Variants in NALCN observed in about 807,000 individuals in gnomAD.
NALCN encodes the protein sodium leak channel NALCN.
A neutral mutation model predicts 225.3 loss-of-function variants in NALCN; 111 were observed. The ratio of observed to expected loss-of-function variants is 0.49; its 90% CI spans 0.42 to 0.58. The LOEUF (loss-of-function observed/expected upper bound fraction) is 0.58, where lower values mean the gene tolerates loss of function less well. NALCN is among the 20% of genes least tolerant of loss of function. The probability of loss-of-function intolerance (pLI) is 0.00; values close to 1 mark genes in which losing one functional copy is unlikely to be tolerated. For synonymous variants in NALCN, 764 were observed against 769.0 expected (o/e 0.99, Z 0.11); for missense variants, 1,378 against 2,202.4 (o/e 0.63, Z 7.49).
chr13:101,060,081 C>T, intron 41 of NALCN, 114 bp from the exon 42 acceptor site: 1 of 1,175,768 alleles, frequency 8.5e-7, no homozygotes, highest in Non-Finnish European at 1.2e-6. Context: ...GACGGGTGAC[C>T]TCTTAGGAAT....
At chr13:101,287,720 C>G (rs939814574) in intron 9 of NALCN, among the ~76,000 whole-genome samples, 1 of 152,162 alleles carries the variant, frequency 6.6e-6, no homozygotes, top group African/African-American at 2.4e-5. Flanking sequence ...ATGGAGATTT[C>G]AACTTTGAGA....
chr13:101,400,564 T>G (rs1594786478), intron 1 of NALCN, among the ~76,000 whole-genome samples: 1 of 130,322 alleles, frequency 7.7e-6, no homozygotes, highest in African/African-American at 3.2e-5. Flanking sequence ...TGTGTGTGTG[T>G]GTGTGTGTGT....
chr13:101,098,360 T>A (rs1443433069), intron 27 of NALCN, among the ~76,000 whole-genome samples: 1 of 152,186 alleles, frequency 6.6e-6, no homozygotes, highest in African/African-American at 2.4e-5. Context: ...AAGGACCTCC[T>A]AATGTTTCCC....
chr13:101,395,872 T>C (rs570745979), intron 2 of NALCN, among the ~76,000 whole-genome samples: 21 of 152,206 alleles, frequency 1.4e-4, no homozygotes, highest in Non-Finnish European at 2.8e-4. Flanking sequence ...CCTATCATAG[T>C]AGTTAAGAAA....
chr13:101,148,303 T>C (rs894491721), intron 15 of NALCN, among the ~76,000 whole-genome samples: 3 of 152,308 alleles, frequency 2.0e-5, no homozygotes, highest in Admixed American at 2.0e-4. Context: ...TTCTCAGCCA[T>C]GCTCGGAGTT....
intron 10 of NALCN, among the ~76,000 whole-genome samples, chr13:101,264,437 A>T (rs1389261751): frequency 6.6e-6 from 1 of 152,058 alleles, no homozygotes; most frequent in Non-Finnish European, 1.5e-5. Context: ...AGTCTATACT[A>T]GATTAATCCC....
chr13:101,264,392 G>T (rs2042530211), intron 10 of NALCN, among the ~76,000 whole-genome samples: 1 of 151,940 alleles, frequency 6.6e-6, no homozygotes, highest in Non-Finnish European at 1.5e-5. Context: ...TTACTTATCT[G>T]TGTATATGAC....
intron 18 of NALCN, among the ~76,000 whole-genome samples, chr13:101,115,207 G>A (rs567853119): frequency 6.6e-6 from 1 of 152,116 alleles, no homozygotes; most frequent in East Asian, 1.9e-4. Context: ...GTTAGAATAT[G>A]ATGCCACTCA....
At chr13:101,367,957 C>T (rs975061649) in intron 6 of NALCN, among the ~76,000 whole-genome samples, 1 of 150,840 alleles carries the variant, frequency 6.6e-6, no homozygotes, top group Non-Finnish European at 1.5e-5. Flanking sequence ...TGTTCTTACA[C>T]AGGGAATTCT....
chr13:101,351,209 CTGT>C (rs1255832841), intron 6 of NALCN, among the ~76,000 whole-genome samples: 1 of 151,952 alleles, frequency 6.6e-6, no homozygotes, highest in South Asian at 2.1e-4. Flanking sequence ...TAAGTGGATC[CTGT>C]TGTTTTATGC....
intron 11 of NALCN, among the ~76,000 whole-genome samples, chr13:101,257,661 A>G (rs2042284741): frequency 6.6e-6 from 1 of 152,174 alleles, no homozygotes; most frequent in Admixed American, 6.5e-5. Flanking sequence ...CTGTGTATGT[A>G]TACCTCACTC....
intron 7 of NALCN, among the ~76,000 whole-genome samples, chr13:101,303,925 C>T (rs1465782160): frequency 1.6e-4 from 25 of 152,164 alleles, no homozygotes; most frequent in Admixed American, 1.6e-3. Flanking sequence ...TCCCTGGAAA[C>T]ACTAGCTAAA....
At chr13:101,186,481 C>A (rs1180052761) in intron 14 of NALCN, among the ~76,000 whole-genome samples, 2 of 151,946 alleles carry the variant, frequency 1.3e-5, no homozygotes, top group African/African-American at 2.4e-5. Context: ...TCTAAGGGTA[C>A]AAAGGAAAAG....
chr13:101,108,316 G>A (rs1314089743), intron 20 of NALCN, among the ~76,000 whole-genome samples: 3 of 152,040 alleles, frequency 2.0e-5, no homozygotes, highest in Admixed American at 1.3e-4. Flanking sequence ...ATCCTATTAT[G>A]TGCCAGGCAC....
intron 1 of NALCN, among the ~76,000 whole-genome samples, chr13:101,410,706 A>G (rs777666926): frequency 3.5e-4 from 54 of 152,206 alleles, no homozygotes; most frequent in Non-Finnish European, 7.5e-4. Context: ...TGAATTTCAA[A>G]ATAACAATAA....
chr13:101,140,569 T>A (rs2037026771), intron 17 of NALCN, among the ~76,000 whole-genome samples: 1 of 152,194 alleles, frequency 6.6e-6, no homozygotes, highest in Admixed American at 6.5e-5. Context: ...GCTTACAATC[T>A]GCTTTGGAAA....
At chr13:101,352,742 C>A (rs1051682514) in intron 6 of NALCN, among the ~76,000 whole-genome samples, 1 of 152,118 alleles carries the variant, frequency 6.6e-6, no homozygotes. Context: ...TAAATTATTA[C>A]TAAATTTACT....
intron 15 of NALCN, among the ~76,000 whole-genome samples, chr13:101,170,266 A>C (rs1203286787): frequency 6.6e-6 from 1 of 152,202 alleles, no homozygotes; most frequent in Non-Finnish European, 1.5e-5. Context: ...AGGCCTAAGA[A>C]CCAGGATTCC....
chr13:101,318,853 A>T (rs886701544), intron 7 of NALCN, among the ~76,000 whole-genome samples: 1 of 152,184 alleles, frequency 6.6e-6, no homozygotes, highest in Non-Finnish European at 1.5e-5. Context: ...TTGTCCTCAC[A>T]TCTTTTTTTT....
Sources: allele counts gnomAD v4.1 joint callset (sites outside exome capture counted in the v4.1 genomes callset), GRCh38; gene constraint gnomAD v4.1.1; transcripts MANE v1.5; gene names NCBI Gene and HGNC (gene_info 2026-07-23, HGNC 2026-07-21).